Variants in UNC13C observed in about 807,000 individuals in gnomAD.
The protein encoded by UNC13C is protein unc-13 homolog C.
In UNC13C, 174 loss-of-function variants were observed where a neutral mutation model predicts 245.4. The observed-to-expected ratio is 0.71, with a 90% CI of 0.63 to 0.80. The LOEUF is 0.80. Among genes scored for constraint, UNC13C ranks in the 30% least tolerant of loss-of-function variants. UNC13C has a pLI of 0.00. For missense variants in UNC13C, 2,829 were observed against 2,602.9 expected (o/e 1.09, Z -1.89); for synonymous variants, 992 against 895.1 (o/e 1.11, Z -1.93).
Position 54,013,562 on chromosome 15 carries a change from AC to A in UNC13C, c.662del (p.Pro221GlnfsTer25). Reference protein sequence around the residue: ...RSKSLDRTVRNPKTNALEPGF... With the variant: ...RSKSLDRTVRXPKTNALEPGF... ...AAGTCTTTGGACAGAACTGTCCGAA[AC>A]CCAAAGACAAATGCCCTGGAGCCAG... On this transcript the variant is annotated frameshift_variant, in exon 2 of 33. Transcript: ENST00000260323. LOFTEE classifies it high-confidence loss of function. The A allele has an allele frequency of 6.2e-7, 1 of 1,613,854 alleles. No homozygotes were observed. The highest frequency in any genetic ancestry group is 8.5e-7 in the Non-Finnish European group (1 of 1,179,836).
intron 2 of UNC13C, among the ~76,000 whole-genome samples, chr15:54,108,444 C>T (rs921155916): frequency 1.3e-5 from 2 of 152,178 alleles, no homozygotes; most frequent in East Asian, 3.9e-4. Flanking sequence ...GCTTTGGCCT[C>T]TCAAAGTGCT....
At chr15:54,455,238 T>TATATATATATATATATATATA (rs1416569966) in intron 19 of UNC13C, among the ~76,000 whole-genome samples, 1 of 70,146 alleles carries the variant, frequency 1.4e-5, no homozygotes, top group Admixed American at 1.7e-4. Flanking sequence ...TATATATATA[T>TATATATATATATATATATATA]GTTTTTTAAT....
intron 17 of UNC13C, among the ~76,000 whole-genome samples, chr15:54,354,797 T>G (rs1270425635): frequency 6.6e-6 from 1 of 152,204 alleles, no homozygotes; most frequent in Non-Finnish European, 1.5e-5. Flanking sequence ...AACTTGGAAT[T>G]AAATAATATG....
chr15:54,616,699 T>G (rs749321627), intron 30 of UNC13C, among the ~76,000 whole-genome samples: 1 of 152,048 alleles, frequency 6.6e-6, no homozygotes, highest in Non-Finnish European at 1.5e-5. Context: ...AAAAATAGTT[T>G]ACAAAGTAAA....
intron 2 of UNC13C, among the ~76,000 whole-genome samples, chr15:54,095,971 A>G (rs928777604): frequency 1.3e-5 from 2 of 152,210 alleles, no homozygotes; most frequent in African/African-American, 4.8e-5. Flanking sequence ...GAAACTGGTC[A>G]TTTTATGTAA....
chr15:54,632,998 T>C (rs1901484731), downstream of UNC13C: 1 of 152,212 alleles, frequency 6.6e-6, no homozygotes, highest in Non-Finnish European at 1.5e-5. Flanking sequence ...AAACCCCGAC[T>C]CTACTAAAAA....
intron 19 of UNC13C, among the ~76,000 whole-genome samples, chr15:54,487,759 T>G (rs1893489401): frequency 9.3e-6 from 1 of 107,440 alleles, no homozygotes; most frequent in Non-Finnish European, 1.8e-5. Context: ...AGAGCAAGAT[T>G]CCATCTCAAA....
At chr15:54,376,546 T>A (rs970862509) in intron 17 of UNC13C, among the ~76,000 whole-genome samples, 1 of 152,156 alleles carries the variant, frequency 6.6e-6, no homozygotes, top group African/African-American at 2.4e-5. Flanking sequence ...TAAAAATCAG[T>A]CTGACTGATA....
Position 54,024,777 on chromosome 15 carries a change from T to C in UNC13C, c.2983+8891T>C, listed in dbSNP as rs1237170976. ...AAAACACAAAAAAATTAGCCGGGCG[T>C]GGTCCCGGGCGCCTGTAGACCCAGC... On this transcript the variant is annotated intron_variant, in intron 2 of 32. Coordinates refer to ENST00000260323, the MANE Select transcript of UNC13C (RefSeq NM_001080534.3). Among the ~76,000 whole-genome samples the C allele has an allele frequency of 3.3e-5, 5 of 152,106 alleles. No individual in the cohort carries two copies. The East Asian group carries it at 9.7e-4, about 30-fold the overall frequency.
At chr15:54,232,953 G>A (rs2035593061) in intron 4 of UNC13C, among the ~76,000 whole-genome samples, 1 of 152,104 alleles carries the variant, frequency 6.6e-6, no homozygotes, top group Non-Finnish European at 1.5e-5. Context: ...TTGGCAGGGG[G>A]TGGGAAGGAA....
intron 19 of UNC13C, among the ~76,000 whole-genome samples, chr15:54,424,547 G>A (rs8036166): frequency 0.26 from 38,774 of 151,680 alleles, 5,131 homozygotes; most frequent in African/African-American, 0.31. Flanking sequence ...AAGGACTTGG[G>A]TAAAGCCCAT....
the UNC13C span, among the ~76,000 whole-genome samples, chr15:53,936,338 AC>A: frequency 6.6e-6 from 1 of 152,116 alleles, no homozygotes; most frequent in African/African-American, 2.4e-5. Context: ...AATTTCAGCA[AC>A]ACCAGCCAGG....
chr15:53,943,826 T>G, the UNC13C span, among the ~76,000 whole-genome samples: 1 of 152,286 alleles, frequency 6.6e-6, no homozygotes, highest in East Asian at 1.9e-4. Context: ...TTGCTATATT[T>G]TCTTGGTAAA....
intron 17 of UNC13C, among the ~76,000 whole-genome samples, chr15:54,373,588 C>T (rs957735917): frequency 2.0e-5 from 3 of 152,174 alleles, no homozygotes; most frequent in Admixed American, 1.3e-4. Flanking sequence ...ACTGCTGGCA[C>T]CAGGGAACAT....
intron 2 of UNC13C, among the ~76,000 whole-genome samples, chr15:54,071,323 T>C (rs1037582944): frequency 1.3e-5 from 2 of 152,198 alleles, no homozygotes; most frequent in African/African-American, 4.8e-5. Flanking sequence ...CCTACTTCAT[T>C]AAATATTTAA....
chr15:54,627,153 G>C lies in UNC13C; in HGVS notation c.*40G>C. 2 of 1,558,008 alleles carry C rather than the reference G, an allele frequency of 1.3e-6. No homozygotes were observed. The highest frequency in any genetic ancestry group is 2.4e-5 in the South Asian group (2 of 82,026). On this transcript the variant is annotated 3_prime_UTR_variant, in exon 33 of 33. Coordinates refer to ENST00000260323, the MANE Select transcript of UNC13C (RefSeq NM_001080534.3). ...GCTAAATACATAACTATAATTGTTT[G>C]ACTACTGCATGCATGTGCAAATACA... is the stretch of plus-strand genomic sequence containing the variant.
intron 2 of UNC13C, among the ~76,000 whole-genome samples, chr15:54,055,204 C>A (rs930015835): frequency 6.6e-6 from 1 of 152,122 alleles, no homozygotes; most frequent in African/African-American, 2.4e-5. Flanking sequence ...AAATCAGTTA[C>A]AATAACTCAT....
At chr15:54,143,176 G>T (rs2032102367) in intron 3 of UNC13C, 136 bp downstream of exon 3, 1 of 890,848 alleles carries the variant, frequency 1.1e-6, no homozygotes, top group Admixed American at 2.1e-5. Context: ...CCATTATTTG[G>T]TTGTCCTTTA....
intron 26 of UNC13C, among the ~76,000 whole-genome samples, chr15:54,537,098 A>T (rs1389079909): frequency 6.6e-6 from 1 of 152,060 alleles, no homozygotes; most frequent in Non-Finnish European, 1.5e-5. Flanking sequence ...TGCCCAAAAG[A>T]TTCTAGATCT....
Sources: allele counts gnomAD v4.1 joint callset (sites outside exome capture counted in the v4.1 genomes callset), GRCh38; gene constraint gnomAD v4.1.1; transcripts MANE v1.5; gene names NCBI Gene and HGNC (gene_info 2026-07-23, HGNC 2026-07-21).